PTPRD: variants seen among roughly 807,000 people sequenced by gnomAD.
PTPRD encodes the protein receptor-type tyrosine-protein phosphatase delta.
Under a neutral mutation model 214.5 loss-of-function variants are expected in PTPRD, and 34 were observed. The observed-to-expected ratio is 0.16, with a 90% confidence interval of 0.12 to 0.21. The LOEUF (loss-of-function observed/expected upper bound fraction) is 0.21, where lower values mean the gene tolerates loss of function less well. Among genes scored for constraint, PTPRD ranks in the 10% least tolerant of loss-of-function variants. The probability of loss-of-function intolerance (pLI) is 1.00; values close to 1 mark genes in which losing one functional copy is unlikely to be tolerated. For synonymous variants in PTPRD, 1,128 were observed against 845.7 expected, an observed-to-expected ratio of 1.33 and a Z score of -5.79; for missense variants, 2,545 against 2,398.7, an observed-to-expected ratio of 1.06 and a Z score of -1.27.
intron 8 of PTPRD, among the ~76,000 whole-genome samples, chr9:9,399,779 A>G (rs1346392140): frequency 6.6e-6 from 1 of 151,902 alleles, no homozygotes; most frequent in African/African-American, 2.4e-5. Flanking sequence ...CTCCTCATTC[A>G]CCTTCCGCCA....
intron 4 of PTPRD, among the ~76,000 whole-genome samples, chr9:9,968,216 G>C (rs1031122267): frequency 6.6e-6 from 1 of 152,162 alleles, no homozygotes; most frequent in Non-Finnish European, 1.5e-5. Flanking sequence ...TGCTACACTA[G>C]GACATTTGAA....
chr9:9,668,975 A>T (rs1489293743), intron 7 of PTPRD, among the ~76,000 whole-genome samples: 1 of 151,912 alleles, frequency 6.6e-6, no homozygotes, highest in Non-Finnish European at 1.5e-5. Flanking sequence ...CTGTAGTGGG[A>T]AAAAAAAGTG....
intron 12 of PTPRD, among the ~76,000 whole-genome samples, chr9:8,648,637 G>A (rs2096743927): frequency 2.0e-5 from 3 of 152,174 alleles, no homozygotes; most frequent in Admixed American, 1.3e-4. Flanking sequence ...TTGTTCAATA[G>A]AGTGATAAAA....
chr9:8,633,855 G>T (rs1404975974), intron 13 of PTPRD, among the ~76,000 whole-genome samples: 1 of 151,906 alleles, frequency 6.6e-6, no homozygotes, highest in Admixed American at 6.6e-5. Flanking sequence ...ATTCAATAAT[G>T]GGACTGTAAG....
intron 3 of PTPRD, among the ~76,000 whole-genome samples, chr9:10,169,488 A>AAAC (rs2099186592): frequency 6.6e-6 from 1 of 150,790 alleles, no homozygotes; most frequent in Non-Finnish European, 1.5e-5. Context: ...AAAAAAAAAA[A>AAAC]AAAAAGCAAT....
intron 8 of PTPRD, among the ~76,000 whole-genome samples, chr9:9,525,833 A>C (rs1311590788): frequency 6.6e-6 from 1 of 151,892 alleles, no homozygotes; most frequent in Admixed American, 6.6e-5. Context: ...TTTTGTACAA[A>C]CAGGGACACA....
intron 11 of PTPRD, among the ~76,000 whole-genome samples, chr9:8,896,936 A>G (rs1379247549): frequency 3.3e-5 from 5 of 152,216 alleles, no homozygotes; most frequent in Admixed American, 3.3e-4. Flanking sequence ...AGAGAACTGT[A>G]GATTAGTTCT....
chr9:8,569,560 A>G lies in PTPRD; in HGVS notation c.353-40781T>C, dbSNP rs192574058. Among the ~76,000 whole-genome samples, 7 of 152,236 alleles carry G rather than the reference A, an allele frequency of 4.6e-5. No individual in the cohort carries two copies. The East Asian group carries it at 1.4e-3, about 29-fold the overall frequency. On this transcript the variant is annotated intron_variant, in intron 14 of 45. Coordinates refer to ENST00000381196, the MANE Select transcript of PTPRD (RefSeq NM_002839.4). ...TCCCCTCAACAATTGGTGTGTCTAC[A>G]GTCCCCTCCATCTGGTAGTGATTTA...
At chr9:9,671,808 A>G (rs1012589690) in intron 7 of PTPRD, among the ~76,000 whole-genome samples, 4 of 152,160 alleles carry the variant, frequency 2.6e-5, no homozygotes, top group African/African-American at 9.7e-5. Flanking sequence ...TAGAACTGTA[A>G]GTCTAATTAA....
intron 2 of PTPRD, among the ~76,000 whole-genome samples, chr9:10,491,562 T>G (rs1459216297): frequency 6.6e-6 from 1 of 151,906 alleles, no homozygotes; most frequent in Non-Finnish European, 1.5e-5. Flanking sequence ...TGGTTAAAAT[T>G]ATAAAGGGCC....
chr9:8,580,710 T>C lies in PTPRD; in HGVS notation c.353-51931A>G, dbSNP rs74681130. Among the ~76,000 whole-genome samples, 43 of 152,302 alleles carry C rather than the reference T, an allele frequency of 2.8e-4. No individual in the cohort carries two copies. In the East Asian group the frequency reaches 7.9e-3, roughly 28 times the overall value. Reference sequence around the variant, plus strand: ...AGCTAATTGGTGGTAGGACCATTTGTAAGTACAACAAAATAGGTATTATGG... The same window carrying C: ...AGCTAATTGGTGGTAGGACCATTTGCAAGTACAACAAAATAGGTATTATGG... On this transcript the variant is annotated intron_variant, in intron 14 of 45. Transcript: ENST00000381196.
intron 33 of PTPRD, among the ~76,000 whole-genome samples, chr9:8,459,828 C>T (rs980685308): frequency 6.6e-6 from 1 of 152,076 alleles, no homozygotes; most frequent in Non-Finnish European, 1.5e-5. Flanking sequence ...TACACGAATT[C>T]ACCAGTGCAG....
intron 10 of PTPRD, among the ~76,000 whole-genome samples, chr9:9,019,335 A>C (rs934083660): frequency 5.9e-4 from 26 of 44,114 alleles, no homozygotes; most frequent in Admixed American, 1.3e-3. Flanking sequence ...AAAGAAAGAA[A>C]GAACGAAAGA....
At chr9:8,383,395 C>G (rs911838724) in intron 37 of PTPRD, among the ~76,000 whole-genome samples, 1 of 151,990 alleles carries the variant, frequency 6.6e-6, no homozygotes, top group Non-Finnish European at 1.5e-5. Flanking sequence ...GAAGTTAACA[C>G]CAGCCCAGTC....
chr9:9,605,931 A>G lies in PTPRD; in HGVS notation c.-286-31150T>C, dbSNP rs1056840569. ...AAGTGCAAAACTAAGCTGCTGCTTG[A>G]CTATTTTGCACTACAATGGTTCGGC... is the stretch of plus-strand genomic sequence containing the variant. On this transcript the variant is annotated intron_variant, in intron 7 of 45. Transcript: ENST00000381196. Among the ~76,000 whole-genome samples the G allele has an allele frequency of 1.3e-5, 2 of 152,054 alleles. 1 individual carries two copies. Among genetic ancestry groups the G allele is most frequent in the Non-Finnish European group, 2.9e-5 (2 of 67,966 alleles).
At chr9:10,368,194 T>C (rs2097548421) in intron 2 of PTPRD, among the ~76,000 whole-genome samples, 1 of 152,144 alleles carries the variant, frequency 6.6e-6, no homozygotes. Context: ...TTTTCCTCTT[T>C]ATATGTTGTT....
intron 11 of PTPRD, among the ~76,000 whole-genome samples, chr9:8,913,493 G>A (rs2098762455): frequency 6.6e-6 from 1 of 152,028 alleles, no homozygotes; most frequent in Non-Finnish European, 1.5e-5. Context: ...ATTTACAGAT[G>A]AGGGGTTCTA....
At chr9:10,203,909 G>C (rs2154336014) in intron 3 of PTPRD, among the ~76,000 whole-genome samples, 1 of 152,156 alleles carries the variant, frequency 6.6e-6, no homozygotes, top group East Asian at 1.9e-4. Context: ...ATTTGCAAGG[G>C]CAAAGTTGAA....
At position 8,495,087 on chromosome 9, in the gene PTPRD, A is replaced by C. The variant is rs145389471; in HGVS notation, c.2350-2108T>G. Among the ~76,000 whole-genome samples the C allele has an allele frequency of 6.2e-3, 942 of 152,218 alleles. 12 individuals carry two copies. The highest frequency in any genetic ancestry group is 0.021 in the African/African-American group (872 of 41,526). ...AAACCTTAAATAATTATTTCTGCCC[A>C]TATTCCTGATTTATTTCCAGCTGTG... On this transcript the variant is annotated intron_variant, in intron 26 of 45. Coordinates refer to ENST00000381196, the MANE Select transcript of PTPRD (RefSeq NM_002839.4).
Sources: gnomAD v4.1 joint callset for allele counts (sites outside exome capture counted in the v4.1 genomes callset) on GRCh38, gnomAD v4.1.1 for gene constraint, MANE v1.5 for transcripts, NCBI Gene and HGNC (gene_info 2026-07-23, HGNC 2026-07-21) for gene names.